EHBP1: variants seen among roughly 807,000 people sequenced by gnomAD.
EHBP1 encodes EH domain-binding protein 1.
A neutral mutation model predicts 144.0 loss-of-function variants in EHBP1; 55 were observed. The ratio of observed to expected loss-of-function variants is 0.38; its 90% CI spans 0.31 to 0.48. The LOEUF is 0.48. Ranked by LOEUF, EHBP1 falls within the 20% of genes least tolerant of loss-of-function variation. The pLI is 0.98. For missense variants in EHBP1, 1,200 were observed against 1,364.2 expected (o/e 0.88, Z 1.90); for synonymous variants, 469 against 472.7 (o/e 0.99, Z 0.10).
intron 14 of EHBP1, among the ~76,000 whole-genome samples, chr2:62,976,575 G>A (rs1285829963): frequency 6.6e-6 from 1 of 152,100 alleles, no homozygotes; most frequent in Non-Finnish European, 1.5e-5. Context: ...ATACTTCAGT[G>A]TTCTAATTTT....
At chr2:62,889,720 C>T (rs2052283569) in intron 10 of EHBP1, among the ~76,000 whole-genome samples, 1 of 152,026 alleles carries the variant, frequency 6.6e-6, no homozygotes, top group African/African-American at 2.4e-5. Flanking sequence ...GATGTGGCCT[C>T]ATTTCTGGGT....
At chr2:63,002,800 T>C (rs1047331975) in intron 19 of EHBP1, among the ~76,000 whole-genome samples, 1 of 152,132 alleles carries the variant, frequency 6.6e-6, no homozygotes, top group Admixed American at 6.6e-5. Context: ...CTTGTTATTA[T>C]AACAATGTAA....
rs752370973 is a variant in EHBP1 at position 62,996,779 on chromosome 2, A to G, written c.3103+13A>G. Reference sequence around the variant, plus strand: ...CTCATGGACACAGGTACGGTGCCCAATTACACTGTAAACAGTTTTGGCAAA... The same window carrying G: ...CTCATGGACACAGGTACGGTGCCCAGTTACACTGTAAACAGTTTTGGCAAA... On this transcript the variant is annotated intron_variant, in intron 19 of 22. Coordinates refer to ENST00000431489, the MANE Select transcript of EHBP1 (RefSeq NM_001142616.3). 15 of 1,609,632 alleles carry G rather than the reference A, an allele frequency of 9.3e-6. No homozygotes were observed. The Admixed American group carries it at 1.4e-4, about 15-fold the overall frequency.
At chr2:62,920,447 A>G (rs923379388) in intron 10 of EHBP1, among the ~76,000 whole-genome samples, 9 of 152,238 alleles carry the variant, frequency 5.9e-5, no homozygotes, top group African/African-American at 2.2e-4. Context: ...AATGTATTAC[A>G]ACTAGGTTTG....
chr2:62,744,036 T>C (rs1261680189), intron 2 of EHBP1, among the ~76,000 whole-genome samples: 1 of 152,130 alleles, frequency 6.6e-6, no homozygotes, highest in East Asian at 1.9e-4. Context: ...TCTTTATTTT[T>C]AAATGCACAA....
chr2:63,010,079 G>A (rs1196463504), intron 19 of EHBP1, among the ~76,000 whole-genome samples: 1 of 151,348 alleles, frequency 6.6e-6, no homozygotes. Context: ...AAAGCCACTT[G>A]GAGCAAGGAA....
At chr2:62,729,514 A>AATATACTAT (rs70962791) in intron 2 of EHBP1, among the ~76,000 whole-genome samples, 1 of 113,846 alleles carries the variant, frequency 8.8e-6, no homozygotes, top group Non-Finnish European at 1.7e-5. Flanking sequence ...AAATATAATA[A>AATATACTAT]AATAAATAAA....
At chr2:62,736,437 T>A (rs2038142830) in intron 2 of EHBP1, among the ~76,000 whole-genome samples, 1 of 152,098 alleles carries the variant, frequency 6.6e-6, no homozygotes, top group Admixed American at 6.6e-5. Context: ...TTGGCCAGGC[T>A]GGTCTCGAAC....
intron 3 of EHBP1, among the ~76,000 whole-genome samples, chr2:62,747,865 A>G (rs761076784): frequency 6.6e-6 from 1 of 152,036 alleles, no homozygotes; most frequent in Non-Finnish European, 1.5e-5. Context: ...GCATCCTTAT[A>G]AAAGGACTTG....
chr2:62,793,726 A>G (rs546015784), intron 5 of EHBP1, among the ~76,000 whole-genome samples: 1 of 152,268 alleles, frequency 6.6e-6, no homozygotes, highest in South Asian at 2.1e-4. Context: ...TCTATGCTGC[A>G]TATGATCTAC....
chr2:62,921,392 C>G (rs748970603), intron 10 of EHBP1, among the ~76,000 whole-genome samples: 1 of 151,690 alleles, frequency 6.6e-6, no homozygotes, highest in African/African-American at 2.4e-5. Context: ...TTGCAGTGAG[C>G]CAAGATTGCA....
At chr2:62,875,737 A>C (rs901905155) in intron 10 of EHBP1, among the ~76,000 whole-genome samples, 8 of 152,252 alleles carry the variant, frequency 5.3e-5, no homozygotes, top group African/African-American at 1.9e-4. Flanking sequence ...CAAGGAATCC[A>C]GTAAAATGAG....
intron 2 of EHBP1, among the ~76,000 whole-genome samples, chr2:62,711,168 C>T (rs1262450649): frequency 6.6e-6 from 1 of 152,178 alleles, no homozygotes; most frequent in Non-Finnish European, 1.5e-5. Context: ...CCCTCACACA[C>T]ACTCAGCACC....
chr2:62,769,822 C>T (rs1023934245), intron 4 of EHBP1, among the ~76,000 whole-genome samples: 1 of 141,606 alleles, frequency 7.1e-6, no homozygotes, highest in South Asian at 2.2e-4. Flanking sequence ...AAAAAGCAGG[C>T]ATGTAGACTA....
chr2:62,858,489 A>G (rs1190760294), intron 7 of EHBP1: 1 of 1,610,926 alleles, frequency 6.2e-7, no homozygotes, highest in Admixed American at 1.7e-5. Context: ...GCGTTCAGCT[A>G]AATCAGCCAG....
chr2:62,823,297 T>C (rs974352898), intron 5 of EHBP1, among the ~76,000 whole-genome samples: 3 of 152,144 alleles, frequency 2.0e-5, no homozygotes, highest in African/African-American at 7.2e-5. Flanking sequence ...GAGACAGTTA[T>C]TCAGACAGAC....
intron 2 of EHBP1, among the ~76,000 whole-genome samples, chr2:62,734,377 A>G (rs939691967): frequency 6.8e-6 from 1 of 147,028 alleles, no homozygotes; most frequent in African/African-American, 2.5e-5. Context: ...GTTTATTCTT[A>G]TGTAAGGTGT....
chr2:62,918,416 T>C (rs1377398590), intron 10 of EHBP1, among the ~76,000 whole-genome samples: 2 of 152,178 alleles, frequency 1.3e-5, no homozygotes, highest in African/African-American at 4.8e-5. Flanking sequence ...AATCATACAG[T>C]ATCCCTTTGT....
rs1573214771 is a variant in EHBP1, at chr2:62,764,479, T to C, written c.258+118T>C. 3.7e-5 allele frequency: 23 copies of C among 620,734 alleles called. No individual in the cohort carries two copies. In the East Asian group the frequency reaches 7.6e-4, roughly 21 times the overall value. 38.5% of individuals were successfully genotyped at this position (620,734 alleles called of 1,614,324 possible). On this transcript the variant is annotated intron_variant, in intron 4 of 22. Transcript: ENST00000431489. ...GTCCAGTCTGGTACCTACTGTGCAT[T>C]ATTTTTAGGGACATAGCAATTTATA... is the stretch of plus-strand genomic sequence containing the variant.
Sources: gnomAD v4.1 joint callset for allele counts (sites outside exome capture counted in the v4.1 genomes callset) on GRCh38, gnomAD v4.1.1 for gene constraint, MANE v1.5 for transcripts, NCBI Gene and HGNC (gene_info 2026-07-23, HGNC 2026-07-21) for gene names.